The following PTPRN2 variants were observed in gnomAD, a reference collection of about 807,000 sequenced individuals.
PTPRN2 encodes the protein receptor-type tyrosine-protein phosphatase N2.
In PTPRN2, 74 loss-of-function variants were observed where a neutral mutation model predicts 118.8. That is an observed-to-expected ratio of 0.62 (90% CI 0.52 to 0.76). The LOEUF (loss-of-function observed/expected upper bound fraction) is 0.76, where lower values mean the gene tolerates loss of function less well. Ranked by LOEUF, PTPRN2 falls within the 30% of genes least tolerant of loss-of-function variation. The pLI is 0.00. For synonymous variants in PTPRN2, 641 were observed against 608.0 expected, an observed-to-expected ratio of 1.05 and a Z score of -0.80; for missense variants, 1,481 against 1,394.4, an observed-to-expected ratio of 1.06 and a Z score of -0.99.
chr7:158,130,434 G>T (rs766054959), intron 9 of PTPRN2, among the ~76,000 whole-genome samples: 1 of 127,026 alleles, frequency 7.9e-6, no homozygotes, highest in Non-Finnish European at 1.7e-5. Flanking sequence ...ACACACACAC[G>T]TACATACAGA....
At chr7:158,061,837 C>T (rs981571899) in intron 11 of PTPRN2, among the ~76,000 whole-genome samples, 6 of 152,228 alleles carry the variant, frequency 3.9e-5, no homozygotes, top group African/African-American at 2.4e-5. Context: ...GTGACAGGGC[C>T]CTTCGATCCA....
Position 158,171,818 on chromosome 7 carries a change from G to A in PTPRN2, c.550-4527C>T, listed in dbSNP as rs530314155. Among the ~76,000 whole-genome samples, 10 of 152,272 alleles carry A rather than the reference G, an allele frequency of 6.6e-5. No individual in the cohort carries two copies. In the South Asian group the frequency reaches 2.1e-3, roughly 32 times the overall value. On this transcript the variant is annotated intron_variant, in intron 5 of 22. Transcript: ENST00000389418. ...TTCAGTCTCAGTTCAACATACCAAT[G>A]AAGGGAGGTTTCCTAAGACAATGTG...
At chr7:158,415,056 CAACCA>C (rs1814540255) in intron 2 of PTPRN2, among the ~76,000 whole-genome samples, 1 of 151,218 alleles carries the variant, frequency 6.6e-6, no homozygotes, top group Non-Finnish European at 1.5e-5. Context: ...TCTGATGATA[CAACCA>C]GCTACTTCTC....
At chr7:158,552,884 G>A (rs1047087311) in intron 1 of PTPRN2, among the ~76,000 whole-genome samples, 6 of 152,020 alleles carry the variant, frequency 3.9e-5, no homozygotes, top group Non-Finnish European at 7.4e-5. Flanking sequence ...ACTATCCTCC[G>A]TGTCTACACA....
intron 12 of PTPRN2, among the ~76,000 whole-genome samples, chr7:157,698,881 T>C (rs1797936421): frequency 6.6e-6 from 1 of 152,244 alleles, no homozygotes; most frequent in Non-Finnish European, 1.5e-5. Flanking sequence ...AAAACTGAGC[T>C]AAAATTCCTT....
Position 158,361,181 on chromosome 7 carries a change from A to G in PTPRN2, c.164-44249T>C, listed in dbSNP as rs1458835040. ...CCTGCATCCACCCTCACCCAGGATG[A>G]TGCGCAGACCCCACACCCTGGCAAC... is the stretch of plus-strand genomic sequence containing the variant. On this transcript the variant is annotated intron_variant, in intron 2 of 22. Coordinates refer to ENST00000389418, the MANE Select transcript of PTPRN2 (RefSeq NM_002847.5). Among the ~76,000 whole-genome samples the G allele has an allele frequency of 3.2e-4, 2 of 6,256 alleles. 1 individual carries two copies. The highest frequency in any genetic ancestry group is 6.6e-4 in the Non-Finnish European group (2 of 3,030). The allele number at this position is 6,256 out of a possible 152,430, so 4.1% of individuals were successfully genotyped here.
intron 3 of PTPRN2, among the ~76,000 whole-genome samples, chr7:158,263,642 C>T (rs943766980): frequency 7.2e-5 from 11 of 152,340 alleles, no homozygotes; most frequent in South Asian, 2.1e-4. Flanking sequence ...ATTCCTCTCC[C>T]GGGCATTCCA....
At chr7:158,502,768 T>G (rs1229704011) in intron 1 of PTPRN2, among the ~76,000 whole-genome samples, 2 of 152,074 alleles carry the variant, frequency 1.3e-5, no homozygotes, top group Admixed American at 6.5e-5. Flanking sequence ...CCCCAGCCAC[T>G]GTGTCCATCA....
chr7:158,129,819 G>T (rs920596529), intron 9 of PTPRN2, among the ~76,000 whole-genome samples: 2 of 152,174 alleles, frequency 1.3e-5, no homozygotes, highest in Non-Finnish European at 2.9e-5. Context: ...CACTGGGCTT[G>T]AGAGCAAAGA....
chr7:157,848,023 C>G (rs549787188), intron 12 of PTPRN2, among the ~76,000 whole-genome samples: 18 of 151,140 alleles, frequency 1.2e-4, no homozygotes, highest in African/African-American at 4.1e-4. Flanking sequence ...TTACAGAGCC[C>G]TCTCTCATTA....
chr7:157,738,110 C>G (rs1419389383), intron 12 of PTPRN2, among the ~76,000 whole-genome samples: 1 of 152,222 alleles, frequency 6.6e-6, no homozygotes, highest in Non-Finnish European at 1.5e-5. Context: ...ATTAAGGCCT[C>G]TCGGTATTAT....
chr7:158,476,605 C>T (rs1820284429), intron 2 of PTPRN2, among the ~76,000 whole-genome samples: 2 of 152,360 alleles, frequency 1.3e-5, no homozygotes, highest in South Asian at 2.1e-4. Flanking sequence ...CTGTCTGTGC[C>T]GCCAAGGGGC....
At chr7:157,982,593 A>G (rs1357331313) in intron 11 of PTPRN2, among the ~76,000 whole-genome samples, 1 of 122,502 alleles carries the variant, frequency 8.2e-6, no homozygotes, top group South Asian at 3.1e-4. Flanking sequence ...CGAGTAGGGG[A>G]ATGCAGAGTG....
Position 158,580,128 on chromosome 7 carries a change from G to A in PTPRN2, c.112+7430C>T, listed in dbSNP as rs1485362589. 5.3e-5 allele frequency among the ~76,000 whole-genome samples: 8 copies of A among 152,342 alleles called. No homozygotes were observed. In the East Asian group the frequency reaches 7.7e-4, roughly 15 times the overall value. ...TACCTATGTTCCATCCCCTGCCTCC[G>A]GCTAAGAAATGGAGCTTGCGCTGGT... On this transcript the variant is annotated intron_variant, in intron 1 of 22. Transcript: ENST00000389418.
chr7:158,179,038 T>A (rs1824467606), intron 5 of PTPRN2, among the ~76,000 whole-genome samples: 1 of 152,220 alleles, frequency 6.6e-6, no homozygotes, highest in South Asian at 2.1e-4. Flanking sequence ...GATTGCTGGA[T>A]CAAAAGGGTA....
intron 2 of PTPRN2, among the ~76,000 whole-genome samples, chr7:158,441,067 T>TAG: frequency 7.2e-6 from 1 of 139,002 alleles, no homozygotes; most frequent in Non-Finnish European, 1.5e-5. Flanking sequence ...ATGGGGGTGG[T>TAG]AGTGATGGTG....
intron 10 of PTPRN2, among the ~76,000 whole-genome samples, chr7:158,098,350 G>A (rs1269322022): frequency 6.6e-6 from 1 of 152,244 alleles, no homozygotes; most frequent in Non-Finnish European, 1.5e-5. Flanking sequence ...ATTCCCGAAG[G>A]CTCCGAGGGA....
chr7:158,242,362 A>G (rs907107861), intron 3 of PTPRN2, among the ~76,000 whole-genome samples: 1 of 152,234 alleles, frequency 6.6e-6, no homozygotes, highest in Non-Finnish European at 1.5e-5. Flanking sequence ...GTGTCTGCAA[A>G]GTGGAGAGAT....
At chr7:157,865,291 C>A (rs559089186) in intron 12 of PTPRN2, 1 of 152,254 alleles carries the variant, frequency 6.6e-6, no homozygotes, top group Non-Finnish European at 1.5e-5. Flanking sequence ...AACGAGGAAT[C>A]GGCTTCTGCT....
Sources: allele counts gnomAD v4.1 joint callset (sites outside exome capture counted in the v4.1 genomes callset), GRCh38; gene constraint gnomAD v4.1.1; transcripts MANE v1.5; gene names NCBI Gene and HGNC (gene_info 2026-07-23, HGNC 2026-07-21).